TXNDC11: variants seen among roughly 807,000 people sequenced by gnomAD.
TXNDC11 encodes the protein thioredoxin domain-containing protein 11.
In TXNDC11, 68 loss-of-function variants were observed where a neutral mutation model predicts 78.0. The ratio of observed to expected loss-of-function variants is 0.87; its 90% CI spans 0.72 to 1.07. The LOEUF (loss-of-function observed/expected upper bound fraction) is 1.07. Among genes scored for constraint, TXNDC11 ranks in the 50% least tolerant of loss-of-function variants. TXNDC11 has a pLI of 0.00. For missense variants in TXNDC11, 1,389 were observed against 1,221.8 expected (o/e 1.14, Z -2.04); for synonymous variants, 571 against 495.2 (o/e 1.15, Z -2.03).
intron 4 of TXNDC11, among the ~76,000 whole-genome samples, chr16:11,728,721 C>T (rs1422068582): frequency 2.0e-5 from 3 of 152,054 alleles, no homozygotes; most frequent in African/African-American, 4.8e-5. Flanking sequence ...TGAGGCAGAA[C>T]GATCGCTTGA....
At chr16:11,727,245 ATT>A (rs569960235) in intron 4 of TXNDC11, among the ~76,000 whole-genome samples, 1 of 151,306 alleles carries the variant, frequency 6.6e-6, no homozygotes, top group South Asian at 2.1e-4. Flanking sequence ...TACGCAAGAA[ATT>A]TTTTTTTAAA....
intron 10 of TXNDC11, among the ~76,000 whole-genome samples, chr16:11,687,136 G>T (rs1370363542): frequency 1.3e-5 from 2 of 152,116 alleles, no homozygotes; most frequent in African/African-American, 4.8e-5. Context: ...CGTATTTCTA[G>T]TGGAATCTGT....
At chr16:11,719,227 C>T (rs2051632035) in intron 5 of TXNDC11, among the ~76,000 whole-genome samples, 1 of 152,164 alleles carries the variant, frequency 6.6e-6, no homozygotes, top group Non-Finnish European at 1.5e-5. Context: ...CTCTAGGTTA[C>T]CCTTTTATAT....
chr16:11,680,356 G>A lies in TXNDC11; in HGVS notation c.2235-519C>T, dbSNP rs573745175. 9.8e-5 allele frequency among the ~76,000 whole-genome samples: 15 copies of A among 152,318 alleles called. No homozygotes were observed. In the East Asian group the frequency reaches 2.9e-3, roughly 29 times the overall value. ...TTCTCTAAGGCAGGGGTTCTCAACT[G>A]GGGGTGACTGTACCCCCATTCCCCA... On this transcript the variant is annotated intron_variant, in intron 11 of 11. Coordinates refer to ENST00000283033, the MANE Select transcript of TXNDC11 (RefSeq NM_015914.7).
intron 5 of TXNDC11, among the ~76,000 whole-genome samples, chr16:11,720,077 C>A (rs1336234247): frequency 6.6e-6 from 1 of 152,116 alleles, no homozygotes; most frequent in Non-Finnish European, 1.5e-5. Context: ...GGGATGGAGA[C>A]AAGCGAGCAG....
intron 3 of TXNDC11, 69 bp from the exon 4 acceptor site, chr16:11,730,843 G>A: frequency 1.7e-6 from 2 of 1,205,524 alleles, no homozygotes; most frequent in Non-Finnish European, 2.2e-6. Flanking sequence ...AGCCTGTAAT[G>A]TATAACTAAA....
chr16:11,700,743 C>T (rs527911757), intron 5 of TXNDC11, among the ~76,000 whole-genome samples, 179 bp from the exon 6 acceptor site: 3 of 152,312 alleles, frequency 2.0e-5, no homozygotes, highest in Non-Finnish European at 2.9e-5. Context: ...ACCTCGGCCC[C>T]TCAGATGTCA....
chr16:11,692,298 A>C (rs2050743638), intron 7 of TXNDC11: 1 of 492,856 alleles, frequency 2.0e-6, no homozygotes, highest in Non-Finnish European at 3.6e-6. Flanking sequence ...AAAAACTGCG[A>C]GCCATCCCTT....
chr16:11,721,183 T>C (rs2051693967), intron 5 of TXNDC11: 1 of 166,188 alleles, frequency 6.0e-6, no homozygotes, highest in African/African-American at 2.4e-5. Context: ...CTCATGCCTG[T>C]AATCCCAGCA....
intron 5 of TXNDC11, among the ~76,000 whole-genome samples, chr16:11,720,695 G>C (rs2051677617): frequency 6.6e-6 from 1 of 150,946 alleles, no homozygotes; most frequent in African/African-American, 2.4e-5. Flanking sequence ...GGGATTACAG[G>C]CGTGAGCCAC....
intron 5 of TXNDC11, among the ~76,000 whole-genome samples, chr16:11,717,393 C>G (rs1408615117): frequency 1.4e-5 from 2 of 140,042 alleles, no homozygotes; most frequent in African/African-American, 5.4e-5. Flanking sequence ...TGAGATCATG[C>G]CACTGCACTC....
intron 10 of TXNDC11, among the ~76,000 whole-genome samples, chr16:11,686,311 T>A (rs1487733515): frequency 6.6e-6 from 1 of 152,242 alleles, no homozygotes; most frequent in African/African-American, 2.4e-5. Context: ...ACTCTGTTCT[T>A]TTCCATTAAC....
rs147205568 is a variant in TXNDC11, at chr16:11,691,516, G to C, written c.1674C>G (p.Leu558=). 110 of 1,614,082 alleles carry C rather than the reference G, an allele frequency of 6.8e-5. No individual in the cohort carries two copies. The highest frequency in any genetic ancestry group is 9.2e-5 in the Non-Finnish European group (109 of 1,180,030). ...TGCTAGTCATGTCCACTTCTGGAAAGAGATACCTGTTCTCCTCAATGTGAG... is the reference window on the plus strand; with the variant it reads ...TGCTAGTCATGTCCACTTCTGGAAACAGATACCTGTTCTCCTCAATGTGAG... The part of the protein sequence containing the change: ...SVPHIEENRY[L]FPEVDMTSTN... The change falls in exon 8 of 12, where the codon CTC becomes CTG. Residue 558 remains leucine, a synonymous_variant. Coordinates refer to ENST00000283033, the MANE Select transcript of TXNDC11 (RefSeq NM_015914.7).
intron 1 of TXNDC11, among the ~76,000 whole-genome samples, chr16:11,739,141 CA>C (rs1411349571): frequency 6.6e-6 from 1 of 152,182 alleles, no homozygotes; most frequent in African/African-American, 2.4e-5. Context: ...TCTGCATATT[CA>C]GAAGCATTCC....
In TXNDC11 at chr16:11,700,500, T is replaced by C; in HGVS notation, c.858A>G (p.Leu286=). Residue 286 remains leucine, a synonymous_variant, in exon 6 of 12, where the codon TTA becomes TTG. Coordinates refer to ENST00000283033, the MANE Select transcript of TXNDC11 (RefSeq NM_015914.7). ...TNKHLAKLVS[L]VHSGSVYLHR... ...GTAAATACACACTTCCAGAGTGTAC[T>C]AAGGATACCAGTTTCGCAAGATGTT... 1.2e-6 allele frequency: 2 copies of C among 1,604,712 alleles called. No homozygotes were observed. The highest frequency in any genetic ancestry group is 2.2e-5 in the East Asian group (1 of 44,832).
chr16:11,705,845 G>A (rs2051165968), intron 5 of TXNDC11, among the ~76,000 whole-genome samples: 1 of 152,180 alleles, frequency 6.6e-6, no homozygotes, highest in African/African-American at 2.4e-5. Flanking sequence ...GATTAGCAGA[G>A]GAAGTTTATA....
chr16:11,718,808 A>G (rs2141081713), intron 5 of TXNDC11, among the ~76,000 whole-genome samples: 1 of 152,344 alleles, frequency 6.6e-6, no homozygotes, highest in African/African-American at 2.4e-5. Flanking sequence ...GATAGGGAAG[A>G]GATGTAGAGA....
intron 5 of TXNDC11, among the ~76,000 whole-genome samples, chr16:11,719,823 AC>A (rs1320920533): frequency 6.6e-6 from 1 of 152,240 alleles, no homozygotes; most frequent in Non-Finnish European, 1.5e-5. Flanking sequence ...CTACAAAAAA[AC>A]AACAGGGTAC....
chr16:11,708,774 A>C (rs1323829552), intron 5 of TXNDC11, among the ~76,000 whole-genome samples: 4 of 152,226 alleles, frequency 2.6e-5, no homozygotes, highest in Non-Finnish European at 5.9e-5. Flanking sequence ...TGGTATACCA[A>C]AAGGCAAACC....
Sources: gnomAD v4.1 joint callset for allele counts (sites outside exome capture counted in the v4.1 genomes callset) on GRCh38, gnomAD v4.1.1 for gene constraint, MANE v1.5 for transcripts, NCBI Gene and HGNC (gene_info 2026-07-23, HGNC 2026-07-21) for gene names.